Variants in ZNF184 observed in about 807,000 individuals in gnomAD.
ZNF184 encodes the protein zinc finger protein 184, also known as zinc finger protein 184 (Kruppel-like).
Under a neutral mutation model 54.4 loss-of-function variants are expected in ZNF184, and 16 were observed. The observed-to-expected ratio is 0.29, with a 90% CI of 0.20 to 0.45. The LOEUF is 0.45. Ranked by LOEUF, ZNF184 falls within the 20% of genes least tolerant of loss-of-function variation. The pLI is 1.00. For synonymous variants in ZNF184, 254 were observed against 295.3 expected (o/e 0.86, Z 1.43); for missense variants, 681 against 888.2 (o/e 0.77, Z 2.97).
intron 2 of ZNF184, among the ~76,000 whole-genome samples, chr6:27,471,309 C>CATGT (rs1331359744): frequency 1.3e-5 from 2 of 152,152 alleles, no homozygotes; most frequent in African/African-American, 2.4e-5. Context: ...AAGCCTAAAA[C>CATGT]ATGTGACCAA....
Position 27,472,311 on chromosome 6 carries a change from G to A in ZNF184, c.-17C>T. The A allele has an allele frequency of 6.2e-7, 1 of 1,613,866 alleles. No homozygotes were observed. The highest frequency in any genetic ancestry group is 8.5e-7 in the Non-Finnish European group (1 of 1,179,924). ...ACCTTCCATCTCAGGAGCTCATCCC[G>A]TTCCTCTGGAACTTGAACACCAGGG... On this transcript the variant is annotated 5_prime_UTR_variant, in exon 2 of 6. It adds an upstream start codon to the 5' untranslated region. Coordinates refer to ENST00000683788, the MANE Select transcript of ZNF184 (RefSeq NM_001318891.2). The surrounding 1 kb of genome is among the most constrained non-coding windows in gnomAD (Gnocchi z 4.8).
chr6:27,414,866 G>A, the ZNF184 span, among the ~76,000 whole-genome samples: 1 of 151,956 alleles, frequency 6.6e-6, no homozygotes, highest in South Asian at 2.1e-4. Flanking sequence ...ATCTCTCCTG[G>A]CCTTTACCCT....
chr6:27,471,650 A>C (rs562865659), intron 2 of ZNF184, among the ~76,000 whole-genome samples: 1 of 152,368 alleles, frequency 6.6e-6, no homozygotes, highest in South Asian at 2.1e-4. Context: ...TAGACCAATC[A>C]AAAGAAGTGA....
chr6:27,468,024 C>T (rs914510071), intron 2 of ZNF184, 104 bp from the exon 3 acceptor site: 1 of 974,574 alleles, frequency 1.0e-6, no homozygotes, highest in South Asian at 1.9e-5. Context: ...AGAAACTATG[C>T]CATTTCCTTT....
At chr6:27,432,770 C>T in the ZNF184 span, among the ~76,000 whole-genome samples, 10,898 of 152,240 alleles carry the variant, frequency 0.072, 480 homozygotes, top group Middle Eastern at 0.17. This position sits in a 1 kb window ranked among gnomAD's most constrained non-coding sequence, Gnocchi z 4.0. Context: ...TTCTCCCATT[C>T]CACCTCCCAA....
Position 27,462,589 on chromosome 6 carries a change from G to A in ZNF184, c.76-5180C>T, listed in dbSNP as rs554640834. On this transcript the variant is annotated intron_variant, in intron 3 of 5. Coordinates refer to ENST00000683788, the MANE Select transcript of ZNF184 (RefSeq NM_001318891.2). ...CAATCAAAGACTATCAGGCAGCTGG[G>A]CACAGTGGCTCACACCTGTAATCCC... Among the ~76,000 whole-genome samples the A allele has an allele frequency of 5.3e-5, 8 of 150,908 alleles. No individual in the cohort carries two copies. In the South Asian group the frequency reaches 1.3e-3, roughly 24 times the overall value.
the ZNF184 span, among the ~76,000 whole-genome samples, chr6:27,417,569 A>G: frequency 9.9e-5 from 15 of 152,258 alleles, no homozygotes; most frequent in East Asian, 2.3e-3. Flanking sequence ...AGAAGAGTCC[A>G]GGACAGCCTC....
At chr6:27,427,136 A>C in the ZNF184 span, among the ~76,000 whole-genome samples, 2 of 150,986 alleles carry the variant, frequency 1.3e-5, no homozygotes, top group Non-Finnish European at 3.0e-5. Context: ...AAAAAAAAAA[A>C]CAATTAAAAC....
chr6:27,467,951 C>T (rs770667968), intron 2 of ZNF184, 31 bp from the exon 3 acceptor site: 14 of 1,530,788 alleles, frequency 9.1e-6, no homozygotes, highest in Middle Eastern at 3.5e-4. Context: ...CATATGACTT[C>T]TGTTCAATTT....
At chr6:27,471,952 C>A (rs1763287695) in intron 2 of ZNF184, among the ~76,000 whole-genome samples, 1 of 152,204 alleles carries the variant, frequency 6.6e-6, no homozygotes. Context: ...AAAACTGACT[C>A]TTTCATTGAA....
At chr6:27,404,794 A>G in the ZNF184 span, 2 of 152,224 alleles carry the variant, frequency 1.3e-5, no homozygotes, top group Non-Finnish European at 2.9e-5. Flanking sequence ...AGGCGGGTGG[A>G]TCACCTGAGG....
At chr6:27,469,016 CAAAA>C (rs1036640770) in intron 2 of ZNF184, among the ~76,000 whole-genome samples, 1 of 151,602 alleles carries the variant, frequency 6.6e-6, no homozygotes, top group African/African-American at 2.4e-5. Context: ...ATAAACAAAA[CAAAA>C]AAAAGCTTTG....
At chr6:27,407,684 T>C in the ZNF184 span, 1 of 680,428 alleles carries the variant, frequency 1.5e-6, no homozygotes, top group Non-Finnish European at 2.7e-6. Flanking sequence ...ATGTCCACCT[T>C]GGCCTATTCC....
chr6:27,432,892 C>T, the ZNF184 span, among the ~76,000 whole-genome samples: 2 of 152,204 alleles, frequency 1.3e-5, no homozygotes, highest in Non-Finnish European at 2.9e-5. This position sits in a 1 kb window ranked among gnomAD's most constrained non-coding sequence, Gnocchi z 4.0. Flanking sequence ...ACCTGACTCT[C>T]TCTCAGGATG....
At chr6:27,465,205 C>T (rs1222698806) in intron 3 of ZNF184, among the ~76,000 whole-genome samples, 14 of 150,496 alleles carry the variant, frequency 9.3e-5, no homozygotes, top group African/African-American at 3.2e-4. Flanking sequence ...AAAAACCCGG[C>T]AGGGCGCGGT....
rs139051422 is a variant in ZNF184, at chr6:27,471,745, G to A, written c.7+543C>T. Among the ~76,000 whole-genome samples, 117 of 152,316 alleles carry A rather than the reference G, an allele frequency of 7.7e-4. 1 individual carries two copies. Among genetic ancestry groups the A allele is most frequent in the Admixed American group, 7.3e-3 (111 of 15,298 alleles). On this transcript the variant is annotated intron_variant, in intron 2 of 5. Coordinates refer to ENST00000683788, the MANE Select transcript of ZNF184 (RefSeq NM_001318891.2). Reference sequence around the variant, plus strand: ...CTTAAGGGCAGCAGTGTGAAAGAAAGAACAGACAGTTTCCTTTTCTTTGGA... The same window carrying A: ...CTTAAGGGCAGCAGTGTGAAAGAAAAAACAGACAGTTTCCTTTTCTTTGGA...
intron 3 of ZNF184, among the ~76,000 whole-genome samples, chr6:27,461,368 T>C (rs1220252006): frequency 6.6e-6 from 1 of 152,188 alleles, no homozygotes; most frequent in African/African-American, 2.4e-5. Context: ...TAATATTTGT[T>C]AGCCATGATT....
the ZNF184 span, among the ~76,000 whole-genome samples, chr6:27,409,761 A>C: frequency 6.6e-6 from 1 of 152,238 alleles, no homozygotes; most frequent in Admixed American, 6.5e-5. Context: ...GTGCAGCCTA[A>C]TGTACAGTGT....
the ZNF184 span, among the ~76,000 whole-genome samples, chr6:27,422,221 G>GAAAGAAAGAAAGAAAGAAAGA: frequency 7.9e-6 from 1 of 126,536 alleles, no homozygotes. Flanking sequence ...AGAAAGAAAA[G>GAAAGAAAGAAAGAAAGAAAGA]AAAAGAAATT....
Sources: allele counts gnomAD v4.1 joint callset (sites outside exome capture counted in the v4.1 genomes callset), GRCh38; gene constraint gnomAD v4.1.1; non-coding constraint Gnocchi (gnomAD v3.1); transcripts MANE v1.5; gene names NCBI Gene and HGNC (gene_info 2026-07-23, HGNC 2026-07-21).